LMX1A: variants seen among roughly 807,000 people sequenced by gnomAD.
The protein encoded by LMX1A is LIM homeobox transcription factor 1-alpha.
LMX1A carries 15 observed loss-of-function variants against 49.1 expected under a neutral mutation model. That is an observed-to-expected ratio of 0.31 (90% CI 0.20 to 0.47). The LOEUF (loss-of-function observed/expected upper bound fraction) is 0.47. Among genes scored for constraint, LMX1A ranks in the 20% least tolerant of loss-of-function variants. The probability of loss-of-function intolerance (pLI) is 1.00; values close to 1 mark genes in which losing one functional copy is unlikely to be tolerated. For synonymous variants in LMX1A, 167 were observed against 185.7 expected, an observed-to-expected ratio of 0.90 and a Z score of 0.82; for missense variants, 372 against 475.8, an observed-to-expected ratio of 0.78 and a Z score of 2.03.
At chr1:165,272,156 C>A (rs1653814807) in intron 3 of LMX1A, among the ~76,000 whole-genome samples, 1 of 152,124 alleles carries the variant, frequency 6.6e-6, no homozygotes, top group South Asian at 2.1e-4. Flanking sequence ...ACACTGCCCA[C>A]CAAGGGGCTT....
chr1:165,350,921 A>G (rs1656407926), intron 3 of LMX1A, among the ~76,000 whole-genome samples: 1 of 152,232 alleles, frequency 6.6e-6, no homozygotes, highest in South Asian at 2.1e-4. Flanking sequence ...GGTTCTGGCT[A>G]ACAGCTGGCA....
At chr1:165,254,196 C>A (rs1352293934) in intron 3 of LMX1A, among the ~76,000 whole-genome samples, 2 of 152,182 alleles carry the variant, frequency 1.3e-5, no homozygotes, top group African/African-American at 4.8e-5. Context: ...TTCCACCCTG[C>A]TAATCTCCTC....
At chr1:165,279,746 A>G (rs1381801617) in intron 3 of LMX1A, among the ~76,000 whole-genome samples, 19 of 152,214 alleles carry the variant, frequency 1.2e-4, no homozygotes, top group African/African-American at 4.3e-4. Context: ...CCAACAAATG[A>G]CCACCATTTG....
At chr1:165,318,400 G>C (rs1349174866) in intron 3 of LMX1A, among the ~76,000 whole-genome samples, 1 of 151,832 alleles carries the variant, frequency 6.6e-6, no homozygotes, top group Non-Finnish European at 1.5e-5. Flanking sequence ...GTTGGCAGAG[G>C]GTCAAAAGAG....
intron 3 of LMX1A, among the ~76,000 whole-genome samples, chr1:165,337,939 T>A (rs1164710373): frequency 7.7e-6 from 1 of 129,160 alleles, no homozygotes; most frequent in Non-Finnish European, 1.7e-5. Context: ...TCAAAGTACA[T>A]GTTCCATGTT....
intron 4 of LMX1A, among the ~76,000 whole-genome samples, chr1:165,225,841 C>T (rs958177329): frequency 6.6e-6 from 1 of 152,198 alleles, no homozygotes; most frequent in African/African-American, 2.4e-5. Flanking sequence ...CTTTCCCCAC[C>T]CCTACACTCC....
intron 4 of LMX1A, among the ~76,000 whole-genome samples, chr1:165,237,331 C>T (rs1652487674): frequency 6.6e-6 from 1 of 152,212 alleles, no homozygotes; most frequent in Non-Finnish European, 1.5e-5. Context: ...TCAAGCGATT[C>T]TCCTGCTTCA....
chr1:165,208,938 C>T lies in LMX1A; in HGVS notation c.748-806G>A, dbSNP rs572240514. 4.6e-5 allele frequency among the ~76,000 whole-genome samples: 7 copies of T among 152,316 alleles called. No individual in the cohort carries two copies. In the South Asian group the frequency reaches 1.2e-3, roughly 27 times the overall value. On this transcript the variant is annotated intron_variant, in intron 6 of 8. Transcript: ENST00000342310. ...CTGGGATTACAAGCGTGAGCCACCA[C>T]GCCCGGCCCCCTGAAGGAATATTTT...
intron 4 of LMX1A, among the ~76,000 whole-genome samples, chr1:165,217,137 C>T (rs1467894756): frequency 6.6e-6 from 1 of 152,110 alleles, no homozygotes; most frequent in African/African-American, 2.4e-5. Context: ...GCAGATATGA[C>T]CCTAGCCAAC....
chr1:165,213,867 T>C, intron 4 of LMX1A, 54 bp from the exon 5 acceptor site: 1 of 1,549,858 alleles, frequency 6.5e-7, no homozygotes. Context: ...TTCCTGGAGC[T>C]GTATGTTATT....
At chr1:165,338,958 A>G (rs1432733051) in intron 3 of LMX1A, among the ~76,000 whole-genome samples, 1 of 152,190 alleles carries the variant, frequency 6.6e-6, no homozygotes, top group Non-Finnish European at 1.5e-5. Flanking sequence ...TCTCCCTGTC[A>G]AAACAATTAA....
chr1:165,236,617 C>T (rs1028227840), intron 4 of LMX1A, among the ~76,000 whole-genome samples: 3 of 152,128 alleles, frequency 2.0e-5, no homozygotes, highest in African/African-American at 7.2e-5. Flanking sequence ...AAGCAAAATA[C>T]TGCGTTCTCT....
intron 7 of LMX1A, among the ~76,000 whole-genome samples, chr1:165,207,210 G>A (rs910698468): frequency 5.9e-5 from 9 of 152,208 alleles, no homozygotes; most frequent in African/African-American, 1.7e-4. Flanking sequence ...AAGAAGCCCT[G>A]TTTTAAGGTA....
intron 3 of LMX1A, among the ~76,000 whole-genome samples, chr1:165,258,355 C>G (rs186384528): frequency 6.6e-6 from 1 of 152,196 alleles, no homozygotes; most frequent in Non-Finnish European, 1.5e-5. Flanking sequence ...ACCTTGTCAG[C>G]TGGCTCAAGG....
intron 3 of LMX1A, among the ~76,000 whole-genome samples, chr1:165,327,627 G>T (rs1264159010): frequency 1.3e-5 from 2 of 152,202 alleles, no homozygotes; most frequent in African/African-American, 4.8e-5. Flanking sequence ...CCTCCCAACT[G>T]ACAGCCTCAG....
chr1:165,324,533 C>G (rs1272350677), intron 3 of LMX1A, among the ~76,000 whole-genome samples: 1 of 152,152 alleles, frequency 6.6e-6, no homozygotes, highest in African/African-American at 2.4e-5. Flanking sequence ...AGCTCTTTAT[C>G]ATCCAGCTCC....
chr1:165,264,785 C>T (rs1043785530), intron 3 of LMX1A, among the ~76,000 whole-genome samples: 6 of 151,762 alleles, frequency 4.0e-5, no homozygotes, highest in Non-Finnish European at 8.8e-5. Context: ...GGGGAGACCC[C>T]GTCTCAATAA....
At chr1:165,333,051 T>C (rs1655794607) in intron 3 of LMX1A, among the ~76,000 whole-genome samples, 1 of 152,204 alleles carries the variant, frequency 6.6e-6, no homozygotes. Context: ...GGAGCCTCGA[T>C]TTCCTTATCT....
chr1:165,305,416 G>A (rs535205232), intron 3 of LMX1A, among the ~76,000 whole-genome samples: 26 of 152,112 alleles, frequency 1.7e-4, no homozygotes, highest in African/African-American at 3.1e-4. Flanking sequence ...GAAAGCAAGC[G>A]TGAGAGGGAA....
Sources: allele counts gnomAD v4.1 joint callset (sites outside exome capture counted in the v4.1 genomes callset), GRCh38; gene constraint gnomAD v4.1.1; transcripts MANE v1.5; gene names NCBI Gene and HGNC (gene_info 2026-07-23, HGNC 2026-07-21).